The following KANSL1 variants were observed in gnomAD, a reference collection of about 807,000 sequenced individuals.
The protein encoded by KANSL1 is MLL1/MLL complex subunit KANSL1.
KANSL1 carries 22 observed loss-of-function variants against 103.6 expected under a neutral mutation model. The observed-to-expected ratio is 0.21, with a 90% CI of 0.15 to 0.30. KANSL1 has a LOEUF of 0.30. Among genes scored for constraint, KANSL1 ranks in the 10% least tolerant of loss-of-function variants. The probability of loss-of-function intolerance (pLI) is 1.00; values close to 1 mark genes in which losing one functional copy is unlikely to be tolerated. For missense variants in KANSL1, 1,337 were observed against 1,399.8 expected, an observed-to-expected ratio of 0.96 and a Z score of 0.72; for synonymous variants, 600 against 527.6, an observed-to-expected ratio of 1.14 and a Z score of -1.88.
intron 2 of KANSL1, among the ~76,000 whole-genome samples, chr17:46,116,676 G>A (rs1346635627): frequency 2.0e-5 from 3 of 151,696 alleles, no homozygotes; most frequent in African/African-American, 7.3e-5. Context: ...CTCTTCCAGA[G>A]GTTCCCTTTA....
chr17:46,078,815 T>C (rs1987151), intron 4 of KANSL1, among the ~76,000 whole-genome samples: 1 of 152,118 alleles, frequency 6.6e-6, no homozygotes. Context: ...CATGTTTCAA[T>C]ACACTAGAGA....
intron 1 of KANSL1, among the ~76,000 whole-genome samples, chr17:46,181,718 C>T (rs1286936120): frequency 6.6e-6 from 1 of 152,182 alleles, no homozygotes; most frequent in Non-Finnish European, 1.5e-5. Flanking sequence ...AGGCATGAGC[C>T]ACCACACCCA....
chr17:46,123,898 G>GA lies in KANSL1; in HGVS notation c.1290-29198dup, dbSNP rs1339989233. 3.3e-5 allele frequency among the ~76,000 whole-genome samples: 5 copies of GA among 152,242 alleles called. No individual in the cohort carries two copies. In the East Asian group the frequency reaches 7.7e-4, roughly 23 times the overall value. ...CATTAAACAACATGTCAGCAATGTA[G>GA]AAAAAACAGCATTCTATTGGAAGAC... is the stretch of plus-strand genomic sequence containing the variant. On this transcript the variant is annotated intron_variant, in intron 2 of 14. Coordinates refer to ENST00000432791, the MANE Select transcript of KANSL1 (RefSeq NM_015443.4).
chr17:46,059,647 A>G (rs879112739), intron 6 of KANSL1, among the ~76,000 whole-genome samples: 585 of 54,790 alleles, frequency 0.011, 4 homozygotes, highest in African/African-American at 0.024. Context: ...AAAAAAAAAA[A>G]AGAGAGAGAG....
At chr17:46,189,906 C>CAAAAAAAAAAAAA (rs55934305) in intron 1 of KANSL1, among the ~76,000 whole-genome samples, 4 of 112,468 alleles carry the variant, frequency 3.6e-5, no homozygotes, top group Admixed American at 9.5e-5. Flanking sequence ...GACCCTGCCT[C>CAAAAAAAAAAAAA]AAAAAAAAAA....
intron 2 of KANSL1, among the ~76,000 whole-genome samples, chr17:46,166,213 C>CCAAAA (rs1555573289): frequency 1.2e-4 from 11 of 95,082 alleles, no homozygotes; most frequent in Middle Eastern, 6.9e-3. Context: ...GACTCTGTCT[C>CCAAAA]AAAAAAAAAA....
chr17:46,224,254 T>C (rs1028776537), upstream of KANSL1, among the ~76,000 whole-genome samples: 6 of 152,222 alleles, frequency 3.9e-5, no homozygotes, highest in Admixed American at 1.3e-4. Context: ...GTAAAACCTA[T>C]TCTTGACTGA....
At chr17:46,122,057 A>C (rs922175075) in intron 2 of KANSL1, among the ~76,000 whole-genome samples, 3 of 152,248 alleles carry the variant, frequency 2.0e-5, no homozygotes, top group Non-Finnish European at 2.9e-5. Context: ...ACACGATAAT[A>C]AAGTTGAAAA....
chr17:46,155,816 C>G (rs1292120683), intron 2 of KANSL1, among the ~76,000 whole-genome samples: 1 of 152,104 alleles, frequency 6.6e-6, no homozygotes, highest in East Asian at 1.9e-4. Flanking sequence ...ACCTATAATA[C>G]CAACACTTTG....
Position 46,031,624 on chromosome 17 carries a change from T to C in KANSL1, c.3170A>G (p.Gln1057Arg), listed in dbSNP as rs201083879. 1.0e-4 allele frequency: 167 copies of C among 1,614,052 alleles called. No homozygotes were observed. In the Admixed American group the frequency reaches 1.9e-3, roughly 19 times the overall value. ...QAECEDQLDAQERAARCTRRT... is the reference protein window; with the variant it reads ...QAECEDQLDARERAARCTRRT... Reference sequence around the variant, plus strand: ...TCGAGTGCAGCGGGCTGCTCGCTCCTGTGCATCCAGCTGGTCCTCACACTC... The same window carrying C: ...TCGAGTGCAGCGGGCTGCTCGCTCCCGTGCATCCAGCTGGTCCTCACACTC... The change falls in exon 15 of 15, where the codon CAG (glutamine) becomes CGG (arginine). Residue 1057 changes from glutamine to arginine, a missense_variant. By Grantham distance (43) the Gln-to-Arg change is conservative (BLOSUM62 1). Around this residue, in one of 2 missense-constraint regions of KANSL1, gnomAD observed 780 missense variants for 923.4 expected, o/e 0.84. Coordinates refer to ENST00000432791, the MANE Select transcript of KANSL1 (RefSeq NM_015443.4).
intron 2 of KANSL1, among the ~76,000 whole-genome samples, chr17:46,151,209 G>C (rs2045080546): frequency 6.6e-6 from 1 of 152,186 alleles, no homozygotes; most frequent in Non-Finnish European, 1.5e-5. Flanking sequence ...AGCTTACAGG[G>C]CTCCTGATCT....
intron 2 of KANSL1, among the ~76,000 whole-genome samples, chr17:46,113,206 T>C (rs2042898331): frequency 6.6e-6 from 1 of 152,210 alleles, no homozygotes; most frequent in Non-Finnish European, 1.5e-5. Context: ...AAAATGTCAG[T>C]AGAGCTGACA....
intron 2 of KANSL1, among the ~76,000 whole-genome samples, chr17:46,140,480 T>A (rs1242165595): frequency 6.6e-6 from 1 of 152,058 alleles, no homozygotes; most frequent in Non-Finnish European, 1.5e-5. Context: ...CTTCATGAAC[T>A]TGGGTTAGGC....
intron 3 of KANSL1, among the ~76,000 whole-genome samples, chr17:46,091,530 G>A (rs950652561): frequency 2.6e-5 from 4 of 151,980 alleles, no homozygotes; most frequent in African/African-American, 9.7e-5. Context: ...TTCACCCACC[G>A]ACTCACCCAG....
chr17:46,204,690 TA>T (rs2047907708), intron 1 of KANSL1, among the ~76,000 whole-genome samples: 1 of 152,188 alleles, frequency 6.6e-6, no homozygotes, highest in African/African-American at 2.4e-5. Context: ...AATACAGATG[TA>T]AAAGTCCTCA....
chr17:46,044,885 A>T (rs1407886790), intron 7 of KANSL1: 3 of 152,320 alleles, frequency 2.0e-5, no homozygotes, highest in East Asian at 3.9e-4. Context: ...AAAACTACTT[A>T]AAAAAATATC....
intron 1 of KANSL1, among the ~76,000 whole-genome samples, chr17:46,175,050 G>A (rs2532264): frequency 6.6e-6 from 1 of 151,948 alleles, no homozygotes; most frequent in Non-Finnish European, 1.5e-5. Flanking sequence ...TTAAAAAAGG[G>A]TCCTGAGACC....
At chr17:46,205,975 G>A (rs934601583) in intron 1 of KANSL1, among the ~76,000 whole-genome samples, 5 of 151,626 alleles carry the variant, frequency 3.3e-5, no homozygotes, top group Admixed American at 1.3e-4. Context: ...TGCTTGGGGG[G>A]CTGAGGAGGG....
Position 46,031,137 on chromosome 17 carries a change from C to T in KANSL1, c.*339G>A, listed in dbSNP as rs2146295927. On this transcript the variant is annotated 3_prime_UTR_variant, in exon 15 of 15. Coordinates refer to ENST00000432791, the MANE Select transcript of KANSL1 (RefSeq NM_015443.4). Reference sequence around the variant, plus strand: ...CTGTAGCCCGCCAGGCTGTTCTGCCCTGCCCACAGGTGTGAGGGAGGGGGT... The same window carrying T: ...CTGTAGCCCGCCAGGCTGTTCTGCCTTGCCCACAGGTGTGAGGGAGGGGGT... 5.6e-6 allele frequency: 2 copies of T among 354,930 alleles called. No individual in the cohort carries two copies. The highest frequency in any genetic ancestry group is 8.4e-4 in the Middle Eastern group (1 of 1,190). The allele number at this position is 354,930 out of a possible 1,614,324, so 22.0% of individuals were successfully genotyped here. A position where few individuals can be genotyped will look rare whatever the true frequency, so the allele number is the denominator to read the frequency against.
Sources: allele counts gnomAD v4.1 joint callset (sites outside exome capture counted in the v4.1 genomes callset), GRCh38; gene constraint gnomAD v4.1.1; regional missense constraint gnomAD v4.1.1; transcripts MANE v1.5; gene names NCBI Gene and HGNC (gene_info 2026-07-23, HGNC 2026-07-21).